CACFD1: variants seen among roughly 807,000 people sequenced by gnomAD.
The protein encoded by CACFD1 is calcium channel flower homolog.
CACFD1 carries 26 observed loss-of-function variants against 21.3 expected under a neutral mutation model. The ratio of observed to expected loss-of-function variants is 1.22; its 90% CI spans 0.89 to 1.69. The LOEUF (loss-of-function observed/expected upper bound fraction) is 1.69. Among genes scored for constraint, CACFD1 ranks in the 40% most tolerant of loss-of-function variants. The probability of loss-of-function intolerance (pLI) is 0.00; values close to 1 mark genes in which losing one functional copy is unlikely to be tolerated. For synonymous variants in CACFD1, 121 were observed against 106.6 expected (o/e 1.13, Z -0.83); for missense variants, 265 against 236.2 (o/e 1.12, Z -0.80).
In CACFD1 at chr9:133,460,253, C is replaced by T. The variant is rs948668761; in HGVS notation, c.121+66C>T. ...ATGCGCTCCTCGCCCTGCCCTGCCC[C>T]GCCCCGCCCCGGCGGCCCCAGGGGA... On this transcript the variant is annotated intron_variant, in intron 1 of 4. Coordinates refer to ENST00000316948, the MANE Select transcript of CACFD1 (RefSeq NM_017586.5). The T allele has an allele frequency of 9.4e-5, 127 of 1,346,966 alleles. No homozygotes were observed. The African/African-American group carries it at 1.6e-3, about 17-fold the overall frequency. 83.4% of individuals were successfully genotyped at this position (1,346,966 alleles called of 1,614,324 possible).
rs1843505038 is a variant in CACFD1 at position 133,467,948 on chromosome 9, C to T, written c.348C>T (p.Ser116=). ...CGMAVVPIVI[S]LTLTTLLGNA... is the part of the protein sequence containing the mutation. ...TGGCGGTCGTTCCCATCGTCATCAGCCTGACCCTGACCACGCTGCTGGGCA... is the reference window on the plus strand; with the variant it reads ...TGGCGGTCGTTCCCATCGTCATCAGTCTGACCCTGACCACGCTGCTGGGCA... Residue 116 remains serine, a synonymous_variant, in exon 4 of 5, where the codon AGC becomes AGT. Coordinates refer to ENST00000316948, the MANE Select transcript of CACFD1 (RefSeq NM_017586.5). The T allele has an allele frequency of 6.2e-7, 1 of 1,613,444 alleles. No individual in the cohort carries two copies. The highest frequency in any genetic ancestry group is 1.3e-5 in the African/African-American group (1 of 74,944).
Position 133,470,189 on chromosome 9 carries a change from C to CTG in CACFD1, c.*1572_*1573dup, listed in dbSNP as rs36075119. Reference sequence around the variant, plus strand: ...TCAGGCCAGTGCTGGGTTCAAAGGGCTGTGTGTGTGTGTGTGTGTGTGTGT... The same window carrying CTG: ...TCAGGCCAGTGCTGGGTTCAAAGGGCTGTGTGTGTGTGTGTGTGTGTGTGTGT... On this transcript the variant is annotated 3_prime_UTR_variant, in exon 5 of 5. Coordinates refer to ENST00000316948, the MANE Select transcript of CACFD1 (RefSeq NM_017586.5). 0.011 allele frequency: 1,603 copies of CTG among 149,774 alleles called. 20 individuals carry two copies. Among genetic ancestry groups the CTG allele is most frequent in the African/African-American group, 0.03 (1,212 of 40,662 alleles). The allele number at this position is 149,774 out of a possible 1,614,324, so 9.3% of individuals were successfully genotyped here.
At chr9:133,461,703 G>T in intron 1 of CACFD1, 1 of 193,884 alleles carries the variant, frequency 5.2e-6, no homozygotes, top group Non-Finnish European at 9.4e-6. Flanking sequence ...GGGCTCTGTT[G>T]GGTCTACAGA....
At chr9:133,464,590 C>A (rs1843356964) in intron 2 of CACFD1, among the ~76,000 whole-genome samples, 2 of 152,132 alleles carry the variant, frequency 1.3e-5, no homozygotes, top group Non-Finnish European at 2.9e-5. Context: ...ACTTTTCTCC[C>A]AGGCCTGGGG....
Position 133,470,023 on chromosome 9 carries a change from C to T in CACFD1, c.*1370C>T, listed in dbSNP as rs979307120. 24 of 152,526 alleles carry T rather than the reference C, an allele frequency of 1.6e-4. No homozygotes were observed. Among genetic ancestry groups the T allele is most frequent in the Admixed American group, 3.3e-4 (5 of 15,292 alleles). 9.4% of individuals were successfully genotyped at this position (152,526 alleles called of 1,614,324 possible). A position where few individuals can be genotyped will look rare whatever the true frequency, so the allele number is the denominator to read the frequency against. On this transcript the variant is annotated 3_prime_UTR_variant, in exon 5 of 5. Coordinates refer to ENST00000316948, the MANE Select transcript of CACFD1 (RefSeq NM_017586.5). The stretch of plus-strand genomic sequence containing the variant: ...GGCGTGGGGTTTTCTGGGCCCTGCC[C>T]AGTACTGCCCTGGGGACTTGGTGGG...
intron 1 of CACFD1, chr9:133,461,879 C>T (rs1473949192): frequency 9.1e-6 from 9 of 985,252 alleles, no homozygotes; most frequent in African/African-American, 1.7e-5. Context: ...GGTTGTGTGC[C>T]GGGCTGGTCC....
In CACFD1 at chr9:133,460,095, C is replaced by T; in HGVS notation, c.29C>T (p.Ala10Val). Residue 10 changes from alanine (A) to valine (V), a missense_variant, in exon 1 of 5, where the codon GCG becomes GTG. By Grantham distance (64) the Ala-to-Val change is moderately conservative. Coordinates refer to ENST00000316948, the MANE Select transcript of CACFD1 (RefSeq NM_017586.5). MSSSGGAPG[A>V]SASSAPPAQE... ...AGCAGCTCAGGTGGGGCGCCCGGGG[C>T]GTCCGCCAGCTCTGCGCCGCCCGCG... 1 of 1,562,348 alleles carries T rather than the reference C, an allele frequency of 6.4e-7. No individual in the cohort carries two copies.
chr9:133,467,794 T>C, intron 3 of CACFD1, 127 bp from the exon 4 acceptor site: 2 of 659,682 alleles, frequency 3.0e-6, no homozygotes, highest in East Asian at 5.4e-5. Flanking sequence ...TGTGTCTCAG[T>C]TGATTTTTGG....
At chr9:133,462,165 G>T (rs1843245611) in intron 1 of CACFD1, 1 of 1,304,252 alleles carries the variant, frequency 7.7e-7, no homozygotes, top group Non-Finnish European at 1.0e-6. Context: ...CTGGGGTAGG[G>T]TTGGAGCTGG....
In CACFD1 at chr9:133,468,690, G is replaced by T; in HGVS notation, c.*37G>T. 1 of 1,536,874 alleles carries T rather than the reference G, an allele frequency of 6.5e-7. No individual in the cohort carries two copies. On this transcript the variant is annotated 3_prime_UTR_variant, in exon 5 of 5. Coordinates refer to ENST00000316948, the MANE Select transcript of CACFD1 (RefSeq NM_017586.5). ...CCCCTCCCTCCCTGTCCCCTCTTCT[G>T]GCTCTGTGTGGGTCCAAGTGAGGCC...
chr9:133,460,235 C>T (rs1438518918), intron 1 of CACFD1, 48 bp downstream of exon 1: 2 of 1,470,418 alleles, frequency 1.4e-6, no homozygotes, highest in Non-Finnish European at 1.8e-6. Flanking sequence ...CGCATGCGCT[C>T]CTCGCCCTGC....
At chr9:133,462,526 G>A (rs1554798772) in intron 1 of CACFD1, among the ~76,000 whole-genome samples, 1 of 152,262 alleles carries the variant, frequency 6.6e-6, no homozygotes, top group African/African-American at 2.4e-5. Flanking sequence ...GGGATCAGGT[G>A]CAGAGGAGCT....
intron 2 of CACFD1, 51 bp downstream of exon 2, chr9:133,463,606 TGC>T (rs782302279): frequency 1.3e-6 from 2 of 1,588,794 alleles, no homozygotes; most frequent in Non-Finnish European, 1.7e-6. Flanking sequence ...GTCGGGAATC[TGC>T]TGGGCACCTC....
intron 1 of CACFD1, 99 bp from the exon 2 acceptor site, chr9:133,463,384 G>A (rs1208121550): frequency 6.9e-6 from 11 of 1,594,008 alleles, no homozygotes; most frequent in South Asian, 3.4e-5. Context: ...CTGAGCATCC[G>A]CAGAGACTCT....
At position 133,460,045 on chromosome 9, in the gene CACFD1, A is replaced by T; in HGVS notation, c.-22A>T. The T allele has an allele frequency of 3.9e-6, 6 of 1,545,686 alleles. No homozygotes were observed. Among genetic ancestry groups the T allele is most frequent in the Non-Finnish European group, 5.2e-6 (6 of 1,146,830 alleles). ...TACCGAGCCCTTTGTGAGGGCTGTG[A>T]GCTGCGCCTGACGGTGGCACCATGA... On this transcript the variant is annotated 5_prime_UTR_variant, in exon 1 of 5. Coordinates refer to ENST00000316948, the MANE Select transcript of CACFD1 (RefSeq NM_017586.5).
intron 3 of CACFD1, among the ~76,000 whole-genome samples, chr9:133,467,087 C>G (rs903862205): frequency 6.6e-6 from 1 of 151,940 alleles, no homozygotes; most frequent in Non-Finnish European, 1.5e-5. Context: ...ATCTCACAAC[C>G]ACATGTCTAC....
Position 133,460,183 on chromosome 9 carries a change from AGTCT to A in CACFD1, c.120_121+2del. ...GTCGCCTGTCTGGGGTGCTGGGGGC[AGTCT>A]GTGAGTATCCAGTCGGGGAGAGGGG... On this transcript the variant is annotated frameshift_variant and splice_region_variant, in exon 1 of 5. Transcript: ENST00000316948. LOFTEE classifies it high-confidence loss of function. 6.5e-7 allele frequency: 1 copy of A among 1,546,894 alleles called. No homozygotes were observed. Among genetic ancestry groups the A allele is most frequent in the Non-Finnish European group, 8.7e-7 (1 of 1,146,594 alleles).
At chr9:133,460,851 C>T (rs1372319812) in intron 1 of CACFD1, among the ~76,000 whole-genome samples, 3 of 152,180 alleles carry the variant, frequency 2.0e-5, no homozygotes, top group African/African-American at 7.2e-5. Flanking sequence ...CTGCCTTAGC[C>T]GCCTGTCACC....
intron 3 of CACFD1, among the ~76,000 whole-genome samples, chr9:133,466,620 TTAATATC>T (rs1843448126): frequency 6.6e-6 from 1 of 152,164 alleles, no homozygotes; most frequent in Non-Finnish European, 1.5e-5. Context: ...GATGATTTCC[TTAATATC>T]TATTTTCAGG....
Sources: gnomAD v4.1 joint callset for allele counts (sites outside exome capture counted in the v4.1 genomes callset) on GRCh38, gnomAD v4.1.1 for gene constraint, MANE v1.5 for transcripts, NCBI Gene and HGNC (gene_info 2026-07-23, HGNC 2026-07-21) for gene names.